The following RFX3 variants were observed in gnomAD, a reference collection of about 807,000 sequenced individuals.
The protein encoded by RFX3 is transcription factor RFX3.
In RFX3, 14 loss-of-function variants were observed where a neutral mutation model predicts 98.6. The observed-to-expected ratio is 0.14, with a 90% CI of 0.09 to 0.22. RFX3 has a LOEUF of 0.22. Among genes scored for constraint, RFX3 ranks in the 10% least tolerant of loss-of-function variants. The pLI is 1.00. For synonymous variants in RFX3, 383 were observed against 328.4 expected (o/e 1.17, Z -1.80); for missense variants, 639 against 926.9 (o/e 0.69, Z 4.03).
At chr9:3,285,813 T>C (rs1170912791) in intron 7 of RFX3, among the ~76,000 whole-genome samples, 1 of 151,758 alleles carries the variant, frequency 6.6e-6, no homozygotes, top group Non-Finnish European at 1.5e-5. Context: ...TTCTGAAATG[T>C]CTCCATATTT....
chr9:3,265,447 C>T (rs1823501346), intron 12 of RFX3, among the ~76,000 whole-genome samples: 1 of 152,080 alleles, frequency 6.6e-6, no homozygotes, highest in Admixed American at 6.6e-5. Context: ...CTCAACTCTG[C>T]CCCCCGATTC....
intron 4 of RFX3, among the ~76,000 whole-genome samples, chr9:3,320,909 G>T (rs1831221360): frequency 6.6e-6 from 1 of 150,836 alleles, no homozygotes; most frequent in South Asian, 2.1e-4. Context: ...GCAGTTTCCA[G>T]TCTTTTTCTT....
chr9:3,317,943 C>T (rs1019361555), intron 4 of RFX3, among the ~76,000 whole-genome samples: 11 of 152,290 alleles, frequency 7.2e-5, no homozygotes, highest in South Asian at 2.1e-4. Flanking sequence ...GCTAGTTTAA[C>T]CATTGTGAAA....
chr9:3,451,102 A>G (rs1187325673), intron 1 of RFX3, among the ~76,000 whole-genome samples: 2 of 152,234 alleles, frequency 1.3e-5, no homozygotes, highest in Non-Finnish European at 2.9e-5. Context: ...GAAAACAAAA[A>G]TAAAACACAA....
At chr9:3,427,043 T>A (rs1300491197) in intron 1 of RFX3, among the ~76,000 whole-genome samples, 4 of 151,802 alleles carry the variant, frequency 2.6e-5, no homozygotes, top group Non-Finnish European at 5.9e-5. Context: ...AAGACCACAA[T>A]TTGTTTGTTT....
chr9:3,502,036 G>C (rs1296610319), intron 1 of RFX3, among the ~76,000 whole-genome samples: 4 of 151,516 alleles, frequency 2.6e-5, no homozygotes, highest in Admixed American at 2.6e-4. Context: ...CGGATCACGA[G>C]GTCAGGAGAT....
intron 1 of RFX3, among the ~76,000 whole-genome samples, chr9:3,453,880 T>G (rs1564120926): frequency 6.6e-6 from 1 of 152,076 alleles, no homozygotes; most frequent in Non-Finnish European, 1.5e-5. Flanking sequence ...TTTAAATATA[T>G]TTTTAAATAT....
chr9:3,410,389 A>T (rs1045851952), intron 1 of RFX3, among the ~76,000 whole-genome samples: 1 of 152,050 alleles, frequency 6.6e-6, no homozygotes. Context: ...TTTTATTATT[A>T]CATCATCTCT....
At chr9:3,371,371 G>A (rs1053812597) in intron 2 of RFX3, among the ~76,000 whole-genome samples, 1 of 152,086 alleles carries the variant, frequency 6.6e-6, no homozygotes, top group South Asian at 2.1e-4. Flanking sequence ...TTATATTAGA[G>A]CAAAGTACTT....
intron 5 of RFX3, among the ~76,000 whole-genome samples, chr9:3,296,222 TTA>T (rs1008557695): frequency 1.3e-5 from 2 of 151,338 alleles, no homozygotes; most frequent in Admixed American, 6.6e-5. Flanking sequence ...ATTTACATTT[TTA>T]TATATATATA....
intron 1 of RFX3, among the ~76,000 whole-genome samples, chr9:3,461,665 T>C (rs1328360474): frequency 2.0e-5 from 3 of 151,950 alleles, no homozygotes; most frequent in Non-Finnish European, 4.4e-5. Flanking sequence ...AATGAGAATG[T>C]ACAAGAGACT....
At chr9:3,349,643 T>C (rs1189936283) in intron 2 of RFX3, among the ~76,000 whole-genome samples, 1 of 152,046 alleles carries the variant, frequency 6.6e-6, no homozygotes, top group Non-Finnish European at 1.5e-5. Context: ...ATTGCCTTTC[T>C]TTTTCTCTAT....
In RFX3 at chr9:3,290,064, T is replaced by G. The variant is rs375777922; in HGVS notation, c.732-1814A>C. Among the ~76,000 whole-genome samples the G allele has an allele frequency of 5.9e-5, 9 of 152,236 alleles. No individual in the cohort carries two copies. The South Asian group carries it at 1.9e-3, about 32-fold the overall frequency. On this transcript the variant is annotated intron_variant, in intron 6 of 16. Transcript: ENST00000617270. Reference sequence around the variant, plus strand: ...GAAAGAATGTCTAGTACCTCACTCCTACAATTGTCAGTTTTTTTACATTAG... The same window carrying G: ...GAAAGAATGTCTAGTACCTCACTCCGACAATTGTCAGTTTTTTTACATTAG...
In RFX3 at chr9:3,225,021, A is replaced by C; in HGVS notation, c.*21T>G. On this transcript the variant is annotated 3_prime_UTR_variant, in exon 17 of 17. Transcript: ENST00000617270. ...TATCAACAGGGTTAATGTAAGCTGGAAAAATACGCTTTAATATTCTTTAGA... is the reference window on the plus strand; with the variant it reads ...TATCAACAGGGTTAATGTAAGCTGGCAAAATACGCTTTAATATTCTTTAGA... 1 of 1,609,548 alleles carries C rather than the reference A, an allele frequency of 6.2e-7. No individual in the cohort carries two copies. Among genetic ancestry groups the C allele is most frequent in the East Asian group, 2.2e-5 (1 of 44,822 alleles).
chr9:3,351,506 G>A lies in RFX3; in HGVS notation c.118-4742C>T, dbSNP rs1044587837. ...CAACAACAACAACAAAGACAGTTTA[G>A]GACAACTAACAACATAAACAAAGTT... On this transcript the variant is annotated intron_variant, in intron 2 of 16. Transcript: ENST00000617270. Among the ~76,000 whole-genome samples the A allele has an allele frequency of 3.3e-5, 5 of 151,684 alleles. No homozygotes were observed. In the East Asian group the frequency reaches 9.7e-4, roughly 29 times the overall value.
At chr9:3,272,008 A>T (rs1824555182) in intron 9 of RFX3, among the ~76,000 whole-genome samples, 1 of 152,038 alleles carries the variant, frequency 6.6e-6, no homozygotes, top group Non-Finnish European at 1.5e-5. Context: ...TATCTCCTAG[A>T]ACTATTTCCC....
At chr9:3,419,281 G>A (rs1364575954) in intron 1 of RFX3, among the ~76,000 whole-genome samples, 1 of 152,076 alleles carries the variant, frequency 6.6e-6, no homozygotes, top group Non-Finnish European at 1.5e-5. Context: ...ATACCAAATT[G>A]ATATAATTAT....
chr9:3,398,502 G>A (rs1564047247), intron 1 of RFX3, among the ~76,000 whole-genome samples: 1 of 152,180 alleles, frequency 6.6e-6, no homozygotes, highest in African/African-American at 2.4e-5. Flanking sequence ...ATCATCTTCT[G>A]TGAGGTCTTT....
intron 2 of RFX3, among the ~76,000 whole-genome samples, chr9:3,389,304 A>G (rs997867149): frequency 6.6e-6 from 1 of 152,196 alleles, no homozygotes; most frequent in Non-Finnish European, 1.5e-5. Flanking sequence ...GAAACTCTTT[A>G]CCAAATCATT....
Sources: allele counts gnomAD v4.1 joint callset (sites outside exome capture counted in the v4.1 genomes callset), GRCh38; gene constraint gnomAD v4.1.1; transcripts MANE v1.5; gene names NCBI Gene and HGNC (gene_info 2026-07-23, HGNC 2026-07-21).